The following IRAK1 variants were observed in gnomAD, a reference collection of about 807,000 sequenced individuals.
IRAK1 encodes interleukin-1 receptor-associated kinase 1.
A neutral mutation model predicts 49.8 loss-of-function variants in IRAK1; 9 were observed. The observed-to-expected ratio is 0.18, with a 90% CI of 0.11 to 0.32. The LOEUF (loss-of-function observed/expected upper bound fraction) is 0.32. Among genes scored for constraint, IRAK1 ranks in the 10% least tolerant of loss-of-function variants. IRAK1 has a pLI of 1.00. For synonymous variants in IRAK1, 282 were observed against 270.8 expected (o/e 1.04, Z -0.41); for missense variants, 418 against 600.5 (o/e 0.70, Z 3.18).
At chrX:154,012,779 G>C in intron 12 of IRAK1, 101 bp from the exon 13 acceptor site, 1 of 959,872 alleles carries the variant, frequency 1.0e-6, no homozygotes, top group South Asian at 2.4e-5. Context: ...CCTCAGAGAA[G>C]TCCAAGGGCA....
chrX:154,013,949 A>C lies in IRAK1; in HGVS notation c.1539+93T>G, dbSNP rs781996268. 5.8e-4 allele frequency: 601 copies of C among 1,041,822 alleles called. 2 individuals carry two copies. The highest frequency in any genetic ancestry group is 7.5e-4 in the Non-Finnish European group (585 of 776,622). 85.9% of individuals were successfully genotyped at this position (1,041,822 alleles called of 1,213,427 possible). ...AGAAATGTGTGGAGACTCCAGAGAGACCTAGCAGGTGCTGAGATGGGGTCA... is the reference window on the plus strand; with the variant it reads ...AGAAATGTGTGGAGACTCCAGAGAGCCCTAGCAGGTGCTGAGATGGGGTCA... On this transcript the variant is annotated intron_variant, in intron 11 of 13. Transcript: ENST00000369980.
At chrX:154,015,726 C>A (rs1328769179) in intron 10 of IRAK1, among the ~76,000 whole-genome samples, 1 of 112,167 alleles carries the variant, frequency 8.9e-6, no homozygotes, top group African/African-American at 3.2e-5. Flanking sequence ...CTACCACCGC[C>A]TTTCTCCGGC....
rs2065712683 is a variant in IRAK1, at chrX:154,013,135, G to C, written c.1838C>G (p.Ala613Gly). 4 of 1,209,762 alleles carry C rather than the reference G, an allele frequency of 3.3e-6. No individual in the cohort carries two copies. The highest frequency in any genetic ancestry group is 2.2e-5 in the Admixed American group (1 of 46,114). The stretch of plus-strand genomic sequence containing the variant: ...AGGACAGCCGGCCTCCCTGAGGGGT[G>C]CTGGGTCCAGAGGGCAGCTTGGAGT... The part of the protein sequence containing the change: ...HLTPSCPLDP[A>G]PLREAGCPQG... The change falls in exon 12 of 14, where the codon GCA becomes GGA. Residue 613 changes from alanine to glycine, a missense_variant. Ala to Gly is a moderately conservative substitution (Grantham distance 60). This residue lies in a region of IRAK1 where 377 missense variants were observed against 499.5 expected (regional missense o/e 0.75). Transcript: ENST00000369980.
At chrX:154,014,369 GAT>G in intron 10 of IRAK1, 91 bp from the exon 11 acceptor site, 4 of 350,838 alleles carry the variant, frequency 1.1e-5, no homozygotes, top group South Asian at 7.1e-5. Context: ...TATGGGTTTT[GAT>G]AAAAAAAAAA....
At position 154,011,723 on chromosome X, in the gene IRAK1, C is replaced by T. The variant is rs922539349; in HGVS notation, c.*136G>A. 2.8e-5 allele frequency: 17 copies of T among 613,342 alleles called. No individual in the cohort carries two copies. Among genetic ancestry groups the T allele is most frequent in the Non-Finnish European group, 4.7e-5 (17 of 358,229 alleles). The allele number at this position is 613,342 out of a possible 1,213,427, so 50.5% of individuals were successfully genotyped here. A position where few individuals can be genotyped will look rare whatever the true frequency, so the allele number is the denominator to read the frequency against. On this transcript the variant is annotated 3_prime_UTR_variant, in exon 14 of 14. Transcript: ENST00000369980. ...CCCACAGAGCCTAGAACAGCAGGGC[C>T]ACCTCCTTCTCTCCCCCGCGGGCAT...
Position 154,016,576 on chromosome X carries a change from C to T in IRAK1, c.1097G>A (p.Arg366His), listed in dbSNP as rs375214633. 8.3e-6 allele frequency: 10 copies of T among 1,211,092 alleles called. No individual in the cohort carries two copies. The highest frequency in any genetic ancestry group is 3.0e-5 in the East Asian group (1 of 33,786). Residue 366 changes from arginine to histidine, a missense_variant, in exon 9 of 14, where the codon CGC (arginine) becomes CAC (histidine). Coordinates refer to ENST00000369980, the MANE Select transcript of IRAK1 (RefSeq NM_001569.4). ...CTGGCTGGGGCTGGACCCGGCAAAG[C>T]GGCTGAACCGGGCCAGGCCAAAGTC... is the stretch of plus-strand genomic sequence containing the variant. ...LGDFGLARFS[R>H]FAGSSPSQSS...
chrX:154,012,266 G>A (rs1279100859), intron 13 of IRAK1, among the ~76,000 whole-genome samples: 1 of 112,598 alleles, frequency 8.9e-6, no homozygotes, highest in African/African-American at 3.2e-5. Context: ...AATTCCTGCT[G>A]GGGCTTCCTA....
chrX:154,015,962 G>T, intron 10 of IRAK1, 70 bp downstream of exon 10: 1 of 923,537 alleles, frequency 1.1e-6, no homozygotes, highest in Non-Finnish European at 1.6e-6. Context: ...AGTTATCCCC[G>T]CCACTGGGGC....
At chrX:154,014,351 C>A in intron 10 of IRAK1, 73 bp from the exon 11 acceptor site, 3 of 846,460 alleles carry the variant, frequency 3.5e-6, no homozygotes, top group Non-Finnish European at 5.0e-6. Flanking sequence ...GTCCTTGTCA[C>A]TCAATCGTAT....
Position 154,019,546 on chromosome X carries a change from C to G in IRAK1, c.189G>C (p.Gly63=). 3 of 1,172,844 alleles carry G rather than the reference C, an allele frequency of 2.6e-6. No individual in the cohort carries two copies. The highest frequency in any genetic ancestry group is 3.4e-6 in the Non-Finnish European group (3 of 882,349). ...QTELRLCERS[G]QRTASVLWPW... is the part of the protein sequence containing the mutation. ...GCCACAGGACGCTGGCCGTGCGCTG[C>G]CCGGAGCGCTCGCACAGCCGCAGCT... Residue 63 remains glycine (G), a synonymous_variant, in exon 2 of 14, where the codon GGG becomes GGC. Coordinates refer to ENST00000369980, the MANE Select transcript of IRAK1 (RefSeq NM_001569.4).
chrX:154,018,816 G>T (rs372895525), intron 4 of IRAK1, 29 bp from the exon 5 acceptor site: 13 of 751,584 alleles, frequency 1.7e-5, no homozygotes, highest in Non-Finnish European at 2.4e-5. Flanking sequence ...GATCAGGTGG[G>T]GTCCCTGTCT....
At position 154,019,883 on chromosome X, in the gene IRAK1, G is replaced by A; in HGVS notation, c.-71C>T. ...CGGCGGGCGCGGGCCTGGGCCGGCC[G>A]GGTCCGCGGACACTGACTCACTTCC... On this transcript the variant is annotated 5_prime_UTR_variant, in exon 1 of 14. Transcript: ENST00000369980. The A allele has an allele frequency of 1.8e-6, 1 of 549,662 alleles. No individual in the cohort carries two copies. The highest frequency in any genetic ancestry group is 2.2e-6 in the Non-Finnish European group (1 of 453,762). The allele number at this position is 549,662 out of a possible 1,213,427, so 45.3% of individuals were successfully genotyped here. A position where few individuals can be genotyped will look rare whatever the true frequency, so the allele number is the denominator to read the frequency against.
intron 7 of IRAK1, 144 bp from the exon 8 acceptor site, chrX:154,017,211 A>C: frequency 2.1e-6 from 1 of 469,035 alleles, no homozygotes; most frequent in Non-Finnish European, 3.8e-6. Flanking sequence ...CGAGGAGCAA[A>C]GTCTCCGTGA....
intron 7 of IRAK1, 53 bp downstream of exon 7, chrX:154,017,953 G>T: frequency 1.1e-6 from 1 of 915,662 alleles, no homozygotes; most frequent in Non-Finnish European, 1.6e-6. Flanking sequence ...GCTCCAGCCA[G>T]GTGTCAGGAG....
chrX:154,016,882 T>C (rs1478782239), intron 8 of IRAK1, 67 bp downstream of exon 8: 24 of 805,911 alleles, frequency 3.0e-5, no homozygotes, highest in Admixed American at 1.5e-4. Flanking sequence ...GATCCCCACA[T>C]TGATAGGACG....
At chrX:154,017,467 C>T (rs2065747171) in intron 7 of IRAK1, among the ~76,000 whole-genome samples, 2 of 112,172 alleles carry the variant, frequency 1.8e-5, no homozygotes, top group South Asian at 7.2e-4. Context: ...ACGCTGCTTG[C>T]AAAGGGGAGA....
chrX:154,014,000 GCTTT>G (rs782557912), intron 11 of IRAK1, 38 bp downstream of exon 11: 38 of 1,183,083 alleles, frequency 3.2e-5, no homozygotes, highest in Admixed American at 5.0e-5. Context: ...TGGAATGCGG[GCTTT>G]CTATCTGGCC....
At chrX:154,015,541 A>G (rs1482436628) in intron 10 of IRAK1, among the ~76,000 whole-genome samples, 2 of 112,791 alleles carry the variant, frequency 1.8e-5, no homozygotes, top group Non-Finnish European at 3.8e-5. Context: ...CTGGAAGGCC[A>G]CTGTCAGGCT....
chrX:154,013,190 G>A lies in IRAK1; in HGVS notation c.1783C>T (p.Leu595Phe), dbSNP rs1557128010. Residue 595 changes from leucine to phenylalanine, a missense_variant, in exon 12 of 14, where the codon CTC (leucine) becomes TTC (phenylalanine). By Grantham distance (22) the Leu-to-Phe change is conservative. Transcript: ENST00000369980. ...TGCCAGGAGCGCAGGGCAGCAGAGA[G>A]GCCGCCTAGGCTCTCGTCACTCTCC... is the stretch of plus-strand genomic sequence containing the variant. ...PVESDESLGG[L>F]SAALRSWHLT... The A allele has an allele frequency of 8.3e-7, 1 of 1,209,483 alleles. No individual in the cohort carries two copies. The highest frequency in any genetic ancestry group is 1.1e-6 in the Non-Finnish European group (1 of 895,115).
Sources: gnomAD v4.1 joint callset for allele counts (sites outside exome capture counted in the v4.1 genomes callset) on GRCh38, gnomAD v4.1.1 for gene constraint, gnomAD v4.1.1 regional missense constraint, MANE v1.5 for transcripts, NCBI Gene and HGNC (gene_info 2026-07-23, HGNC 2026-07-21) for gene names.